The following AP1G2 variants were observed in gnomAD, a reference collection of about 807,000 sequenced individuals.
The protein encoded by AP1G2 is AP-1 complex subunit gamma-like 2.
Under a neutral mutation model 95.8 loss-of-function variants are expected in AP1G2, and 85 were observed. That is an observed-to-expected ratio of 0.89 (90% confidence interval 0.74 to 1.06). AP1G2 has a LOEUF of 1.06. AP1G2 is among the 50% of genes least tolerant of loss of function. The probability of loss-of-function intolerance (pLI) is 0.00; values close to 1 mark genes in which losing one functional copy is unlikely to be tolerated. For missense variants in AP1G2, 967 were observed against 1,005.8 expected, an observed-to-expected ratio of 0.96 and a Z score of 0.52; for synonymous variants, 378 against 400.0, an observed-to-expected ratio of 0.94 and a Z score of 0.66.
At position 23,559,947 on chromosome 14, in the gene AP1G2, A is replaced by G. The variant is rs1883284651; in HGVS notation, c.2247T>C (p.Asn749=). The change falls in exon 21 of 22, where the codon AAT becomes AAC. Residue 749 remains asparagine, a synonymous_variant. Transcript: ENST00000397120. The part of the protein sequence containing the change: ...LPITQLFRIL[N]PNKAPLRLKL... ...AACTCCTGAAGCTCACCTTGTTAGG[A>G]TTGAGGATTCTGAAGAGCTGGGTGA... 1.2e-6 allele frequency: 2 copies of G among 1,613,032 alleles called. No homozygotes were observed. The highest frequency in any genetic ancestry group is 4.5e-5 in the East Asian group (2 of 44,870).
In AP1G2 at chr14:23,567,603, C is replaced by T; in HGVS notation, c.-6+136G>A. The stretch of plus-strand genomic sequence containing the variant: ...TACCGTTTCCTCCCCCTACCTGGTA[C>T]CCCATCCCTAGCTCAGCCATTGCTT... On this transcript the variant is annotated intron_variant, in intron 1 of 21. Coordinates refer to ENST00000397120, the MANE Select transcript of AP1G2 (RefSeq NM_003917.5). This position sits in a 1 kb window ranked among gnomAD's most constrained non-coding sequence, Gnocchi z 5.3. The T allele has an allele frequency of 8.2e-7, 1 of 1,213,158 alleles. No individual in the cohort carries two copies. Among genetic ancestry groups the T allele is most frequent in the Non-Finnish European group, 1.0e-6 (1 of 973,172 alleles). The allele number at this position is 1,213,158 out of a possible 1,614,324, so 75.1% of individuals were successfully genotyped here. A position where few individuals can be genotyped will look rare whatever the true frequency, so the allele number is the denominator to read the frequency against.
chr14:23,564,973 G>A (rs1887050493), intron 8 of AP1G2, 146 bp downstream of exon 8: 4 of 794,220 alleles, frequency 5.0e-6, no homozygotes, highest in Non-Finnish European at 8.3e-6. Context: ...AAGACAGACT[G>A]TGTCCCTTCT....
At chr14:23,565,350 G>A (rs1051470656) in intron 7 of AP1G2, 151 bp from the exon 8 acceptor site, 2 of 825,616 alleles carry the variant, frequency 2.4e-6, no homozygotes, top group Admixed American at 5.0e-5. Flanking sequence ...GTCCTAGGAG[G>A]GGAACAGAGG....
rs142102587 is a variant in AP1G2, at chr14:23,565,838, G to A, written c.623C>T (p.Ala208Val). Residue 208 changes from alanine to valine, a missense_variant, in exon 6 of 22, where the codon GCA becomes GTA. Coordinates refer to ENST00000397120, the MANE Select transcript of AP1G2 (RefSeq NM_003917.5). ...LITELCERSPAALRHFRKVVP... is the reference protein window; with the variant it reads ...LITELCERSPVALRHFRKVVP... ...CACCTTTCGGAAGTGCCTGAGGGCT[G>A]CAGGGCTTCGTTCGCAGAGCTCCGT... The A allele has an allele frequency of 1.3e-3, 2,127 of 1,576,666 alleles. 2 individuals are homozygous for A. The highest frequency in any genetic ancestry group is 1.7e-3 in the Non-Finnish European group (1,984 of 1,161,046).
chr14:23,561,158 T>G (rs1884390133), intron 19 of AP1G2, 138 bp downstream of exon 19: 1 of 1,407,884 alleles, frequency 7.1e-7, no homozygotes, highest in Non-Finnish European at 9.2e-7. Flanking sequence ...CTTCATTCTT[T>G]TACCTCCTGA....
At chr14:23,565,402 A>T (rs1595354521) in intron 7 of AP1G2, 7 of 708,314 alleles carry the variant, frequency 9.9e-6, no homozygotes, top group African/African-American at 1.8e-5. Context: ...TAAAAAAAAA[A>T]TTGTTAACAA....
intron 8 of AP1G2, 120 bp from the exon 9 acceptor site, chr14:23,564,780 T>A: frequency 1.1e-6 from 1 of 889,212 alleles, no homozygotes; most frequent in Admixed American, 2.1e-5. Flanking sequence ...CAGGCTCTGA[T>A]GATCCTCCTG....
In AP1G2 at chr14:23,567,170, G is replaced by A; in HGVS notation, c.145C>T (p.Arg49Trp). The change falls in exon 2 of 22, where the codon CGG becomes TGG. Residue 49 changes from arginine to tryptophan, a missense_variant. By Grantham distance (101) the Arg-to-Trp change is moderately radical. Transcript: ENST00000397120. This position sits in a 1 kb window ranked among gnomAD's most constrained non-coding sequence, Gnocchi z 5.3. ...ACGTAGAGCAGTTTGGCCAGCTGCC[G>A]GTGCCTGTGCACTGGGTCCCCGTCG... ...FRDGDPVHRHRQLAKLLYVHM... is the reference protein window; with the variant it reads ...FRDGDPVHRHWQLAKLLYVHM... 2 of 1,613,058 alleles carry A rather than the reference G, an allele frequency of 1.2e-6. No individual in the cohort carries two copies. The highest frequency in any genetic ancestry group is 1.1e-5 in the South Asian group (1 of 91,026).
chr14:23,565,161 G>A lies in AP1G2; in HGVS notation c.780C>T (p.Asn260=). The change falls in exon 8 of 22, where the codon AAC becomes AAT. Residue 260 remains asparagine, a synonymous_variant. Transcript: ENST00000397120. ...TCATGGTCTCACTGCTCTCCTCGTGGTTCCGGCCCAGGATCCGAAGCAGAC... is the reference window on the plus strand; with the variant it reads ...TCATGGTCTCACTGCTCTCCTCGTGATTCCGGCCCAGGATCCGAAGCAGAC... ...ILRLLRILGR[N]HEESSETMND... 6.2e-7 allele frequency: 1 copy of A among 1,614,234 alleles called. No individual in the cohort carries two copies. The highest frequency in any genetic ancestry group is 8.5e-7 in the Non-Finnish European group (1 of 1,180,032).
At position 23,565,186 on chromosome 14, in the gene AP1G2, C is replaced by T. The variant is rs371013529; in HGVS notation, c.755G>A (p.Arg252His). ...SDPFLQVQIL[R>H]LLRILGRNHE... ...GTTCCGGCCCAGGATCCGAAGCAGA[C>T]GAAGTATCTGGACCTGAGGTTGGGT... The change falls in exon 8 of 22, where the codon CGT (arginine) becomes CAT (histidine). Residue 252 changes from arginine to histidine, a missense_variant. Physicochemically the swap from Arg to His is conservative, Grantham distance 29. Transcript: ENST00000397120. The T allele has an allele frequency of 2.3e-5, 37 of 1,614,016 alleles. No homozygotes were observed. Among genetic ancestry groups the T allele is most frequent in the Admixed American group, 1.0e-4 (6 of 60,012 alleles).
chr14:23,566,423 C>A lies in AP1G2; in HGVS notation c.330-4G>T, dbSNP rs747453748. On this transcript the variant is annotated splice_region_variant and splice_polypyrimidine_tract_variant and intron_variant, in intron 3 of 21. Transcript: ENST00000397120. ...CTGAATCCCCTGGCTCAGGTCACTGCAGGGTTTGGGAGGACGGTCAGTCAA... is the reference window on the plus strand; with the variant it reads ...CTGAATCCCCTGGCTCAGGTCACTGAAGGGTTTGGGAGGACGGTCAGTCAA... 6.2e-7 allele frequency: 1 copy of A among 1,613,080 alleles called. No individual in the cohort carries two copies.
rs10152092 is a variant in AP1G2 at position 23,564,163 on chromosome 14, G to C, written c.978-4C>G. On this transcript the variant is annotated splice_region_variant and splice_polypyrimidine_tract_variant and intron_variant, in intron 10 of 21. Transcript: ENST00000397120. ...CAGTGATGTCAGGGCTACATACCTG[G>C]TCAGGATGGGGGAGGTTCTATCATA... 5,553 of 1,613,738 alleles carry C rather than the reference G, an allele frequency of 3.4e-3. 163 individuals carry two copies. In the African/African-American group the frequency reaches 0.063, roughly 18 times the overall value.
chr14:23,559,907 G>A (rs774928254), intron 21 of AP1G2, 31 bp downstream of exon 21: 5 of 1,611,064 alleles, frequency 3.1e-6, no homozygotes, highest in Non-Finnish European at 4.2e-6. Context: ...CTATCCCTGG[G>A]TCTTGTCTTG....
Position 23,567,512 on chromosome 14 carries a change from A to T in AP1G2, c.-5-193T>A. 1 of 1,376,394 alleles carries T rather than the reference A, an allele frequency of 7.3e-7. No individual in the cohort carries two copies. Among genetic ancestry groups the T allele is most frequent in the East Asian group, 3.0e-5 (1 of 33,754 alleles). 85.3% of individuals were successfully genotyped at this position (1,376,394 alleles called of 1,614,324 possible). A position where few individuals can be genotyped will look rare whatever the true frequency, so the allele number is the denominator to read the frequency against. The stretch of plus-strand genomic sequence containing the variant: ...CCACCGCCCGAGAAGCCCACTACGC[A>T]TGCGTCCGCACCCCACCGGCGCCCC... On this transcript the variant is annotated intron_variant, in intron 1 of 21. Coordinates refer to ENST00000397120, the MANE Select transcript of AP1G2 (RefSeq NM_003917.5). This position sits in a 1 kb window ranked among gnomAD's most constrained non-coding sequence, Gnocchi z 5.3.
Position 23,559,797 on chromosome 14 carries a change from C to A in AP1G2, c.2310G>T (p.Val770=). 3 of 1,614,152 alleles carry A rather than the reference C, an allele frequency of 1.9e-6. No homozygotes were observed. The highest frequency in any genetic ancestry group is 2.5e-6 in the Non-Finnish European group (3 of 1,180,026). The change falls in exon 22 of 22, where the codon GTG becomes GTT. Residue 770 remains valine, a synonymous_variant. Transcript: ENST00000397120. The part of the protein sequence containing the change: ...RLTYDHFHQS[V]QEIFEVNNLP... ...AGTTGTTCACCTCAAAGATCTCCTG[C>A]ACCGACTGGTGAAAGTGGTCGTAGG...
At chr14:23,561,068 G>A (rs923721185) in intron 19 of AP1G2, 1 of 1,263,438 alleles carries the variant, frequency 7.9e-7, no homozygotes. Flanking sequence ...AGTGGTATAA[G>A]AAGGGTTGGG....
chr14:23,564,815 C>G, intron 8 of AP1G2, 155 bp from the exon 9 acceptor site: 1 of 700,022 alleles, frequency 1.4e-6, no homozygotes, highest in Non-Finnish European at 2.4e-6. Context: ...GTGGCTGGGA[C>G]TACAGGCACA....
intron 19 of AP1G2, 161 bp downstream of exon 19, chr14:23,561,135 T>G: frequency 7.3e-7 from 1 of 1,364,128 alleles, no homozygotes; most frequent in Non-Finnish European, 9.4e-7. Context: ...GGAAGACAGA[T>G]GACCATGATT....
intron 8 of AP1G2, 145 bp downstream of exon 8, chr14:23,564,974 T>C (rs1887052215): frequency 5.0e-6 from 4 of 795,136 alleles, no homozygotes; most frequent in African/African-American, 1.7e-5. Context: ...AGACAGACTG[T>C]GTCCCTTCTT....
Sources: allele counts gnomAD v4.1 joint callset, GRCh38; gene constraint gnomAD v4.1.1; non-coding constraint Gnocchi (gnomAD v3.1); transcripts MANE v1.5; gene names NCBI Gene and HGNC (gene_info 2026-07-23, HGNC 2026-07-21).